ING3: variants seen among roughly 807,000 people sequenced by gnomAD.
ING3 encodes inhibitor of growth protein 3.
A neutral mutation model predicts 64.8 loss-of-function variants in ING3; 6 were observed. The observed-to-expected ratio is 0.09, with a 90% CI of 0.05 to 0.18. The LOEUF (loss-of-function observed/expected upper bound fraction) is 0.18, where lower values mean the gene tolerates loss of function less well. Among genes scored for constraint, ING3 ranks in the 10% least tolerant of loss-of-function variants. The pLI, the probability that ING3 is intolerant of heterozygous loss-of-function variation, is 1.00. For missense variants in ING3, 310 were observed against 489.7 expected (o/e 0.63, Z 3.46); for synonymous variants, 170 against 173.7 (o/e 0.98, Z 0.17).
chr7:120,951,153 C>A lies in ING3; in HGVS notation c.29-11C>A. On this transcript the variant is annotated splice_polypyrimidine_tract_variant and intron_variant, in intron 1 of 11. Coordinates refer to ENST00000315870, the MANE Select transcript of ING3 (RefSeq NM_019071.3). ...TGGCCCCGCCCCTCTGACGGACTCT[C>A]CCTTTGACAGTGATTGAGCAGCTTC... 1 of 1,614,088 alleles carries A rather than the reference C, an allele frequency of 6.2e-7. No individual in the cohort carries two copies. Among genetic ancestry groups the A allele is most frequent in the Non-Finnish European group, 8.5e-7 (1 of 1,179,952 alleles).
intron 4 of ING3, 136 bp from the exon 5 acceptor site, chr7:120,964,606 G>T: frequency 3.2e-6 from 2 of 631,320 alleles, no homozygotes; most frequent in African/African-American, 3.7e-5. Context: ...AAACCTCTGA[G>T]GCATAGATTA....
At chr7:120,955,360 C>T (rs954270018) in intron 3 of ING3, among the ~76,000 whole-genome samples, 199 bp from the exon 4 acceptor site, 9 of 152,154 alleles carry the variant, frequency 5.9e-5, no homozygotes, top group Admixed American at 5.9e-4. Flanking sequence ...AACTCCTGAC[C>T]TCAAGTCATC....
intron 4 of ING3, among the ~76,000 whole-genome samples, chr7:120,961,997 T>C (rs553167811): frequency 2.5e-4 from 38 of 152,320 alleles, no homozygotes; most frequent in Admixed American, 3.3e-4. Context: ...CTTACATCCT[T>C]GCTTTGCTTG....
intron 4 of ING3, chr7:120,957,030 C>G (rs1256560470): frequency 7.4e-6 from 2 of 271,836 alleles, no homozygotes; most frequent in Non-Finnish European, 1.1e-5. Context: ...TTCATCCACT[C>G]TGTGCCTGAA....
At chr7:120,971,050 G>A (rs1796064422) in intron 10 of ING3, 170 bp downstream of exon 10, 1 of 761,026 alleles carries the variant, frequency 1.3e-6, no homozygotes, top group Non-Finnish European at 2.1e-6. Context: ...TGAGTATAAA[G>A]AAAAATGTTA....
chr7:120,975,872 T>TCTGG lies in ING3; in HGVS notation c.*1031_*1034dup, dbSNP rs1450201272. 6.6e-6 allele frequency: 1 copy of TCTGG among 152,172 alleles called. No individual in the cohort carries two copies. The highest frequency in any genetic ancestry group is 2.4e-5 in the African/African-American group (1 of 41,458). 9.4% of individuals were successfully genotyped at this position (152,172 alleles called of 1,614,324 possible). On this transcript the variant is annotated 3_prime_UTR_variant, in exon 12 of 12. Transcript: ENST00000315870. ...CCAATGTATTTTTTTAAGAACATCA[T>TCTGG]CTGGCTTTTCCTTCAGTCTAAAAGA...
rs764758360 is a variant in ING3, at chr7:120,973,168, A to G, written c.1102-37A>G. ...TAATTGGTATCTAGGTGTTTGTTAC[A>G]TAGTCATAATAAAGACATTTAATTT... On this transcript the variant is annotated intron_variant, in intron 10 of 11. Transcript: ENST00000315870. The G allele has an allele frequency of 7.5e-6, 9 of 1,195,816 alleles. No individual in the cohort carries two copies. In the Admixed American group the frequency reaches 1.0e-4, roughly 14 times the overall value. The allele number at this position is 1,195,816 out of a possible 1,614,324, so 74.1% of individuals were successfully genotyped here.
chr7:120,951,627 A>G (rs1391884197), intron 2 of ING3, among the ~76,000 whole-genome samples: 1 of 152,214 alleles, frequency 6.6e-6, no homozygotes, highest in East Asian at 1.9e-4. Flanking sequence ...AGTTCATCCT[A>G]TTCACAGTTT....
At chr7:120,959,715 G>A (rs969569052) in intron 4 of ING3, among the ~76,000 whole-genome samples, 4 of 128,412 alleles carry the variant, frequency 3.1e-5, no homozygotes, top group East Asian at 5.2e-4. Flanking sequence ...GCGCTATCCC[G>A]GCTCACTGCA....
At chr7:120,970,351 G>C (rs1796052190) in intron 9 of ING3, among the ~76,000 whole-genome samples, 1 of 151,892 alleles carries the variant, frequency 6.6e-6, no homozygotes, top group African/African-American at 2.4e-5. Context: ...TGTAGTCCCA[G>C]CTACTCGGGA....
Position 120,976,465 on chromosome 7 carries a change from A to G in ING3, c.*1621A>G, listed in dbSNP as rs1000244987. On this transcript the variant is annotated 3_prime_UTR_variant, in exon 12 of 12. Transcript: ENST00000315870. ...CCAGCTCCCTAAACAAGTTAGGTTC[A>G]TTTGTGAGTACTCATCATTTCATAA... 3.9e-5 allele frequency: 6 copies of G among 152,156 alleles called. No individual in the cohort carries two copies. Among genetic ancestry groups the G allele is most frequent in the African/African-American group, 1.2e-4 (5 of 41,458 alleles). 9.4% of individuals were successfully genotyped at this position (152,156 alleles called of 1,614,324 possible). A position where few individuals can be genotyped will look rare whatever the true frequency, so the allele number is the denominator to read the frequency against.
intron 4 of ING3, among the ~76,000 whole-genome samples, chr7:120,963,555 T>G (rs1562975176): frequency 6.6e-6 from 1 of 152,186 alleles, no homozygotes; most frequent in Non-Finnish European, 1.5e-5. Flanking sequence ...TGTAATGCAT[T>G]AGCTATATGA....
At chr7:120,972,527 A>T (rs1796082649) in intron 10 of ING3, among the ~76,000 whole-genome samples, 1 of 152,184 alleles carries the variant, frequency 6.6e-6, no homozygotes, top group Non-Finnish European at 1.5e-5. Context: ...ACACTAAAAA[A>T]CTAGAAGGTG....
chr7:120,953,806 CTTAAAAG>C (rs1490494630), intron 3 of ING3, among the ~76,000 whole-genome samples: 4 of 152,134 alleles, frequency 2.6e-5, no homozygotes, highest in Non-Finnish European at 5.9e-5. Context: ...AGAACGAAAT[CTTAAAAG>C]TTAGAAGGAA....
chr7:120,956,949 A>G lies in ING3; in HGVS notation c.267+1325A>G, dbSNP rs1176892606. ...AAAGATATTTTGTGTATTTAGAAAA[A>G]ATATAACATAAATATATGCTTTTTA... On this transcript the variant is annotated intron_variant, in intron 4 of 11. Coordinates refer to ENST00000315870, the MANE Select transcript of ING3 (RefSeq NM_019071.3). 1.8e-5 allele frequency: 8 copies of G among 445,162 alleles called. No homozygotes were observed. The Admixed American group carries it at 5.1e-4, about 29-fold the overall frequency. 27.6% of individuals were successfully genotyped at this position (445,162 alleles called of 1,614,324 possible). A position where few individuals can be genotyped will look rare whatever the true frequency, so the allele number is the denominator to read the frequency against.
chr7:120,956,728 T>A lies in ING3; in HGVS notation c.267+1104T>A. 3.1e-6 allele frequency: 3 copies of A among 981,024 alleles called. No individual in the cohort carries two copies. In the South Asian group the frequency reaches 1.4e-4, roughly 46 times the overall value. 60.8% of individuals were successfully genotyped at this position (981,024 alleles called of 1,614,324 possible). A position where few individuals can be genotyped will look rare whatever the true frequency, so the allele number is the denominator to read the frequency against. On this transcript the variant is annotated intron_variant, in intron 4 of 11. Coordinates refer to ENST00000315870, the MANE Select transcript of ING3 (RefSeq NM_019071.3). ...TCTTAATTGTTTCAGTCTTTAATTA[T>A]GTCTATAAACTTAGAAAAAGGCATT...
chr7:120,971,153 A>AAATACAACAGACTGGGTAGCT (rs1426981879), intron 10 of ING3, among the ~76,000 whole-genome samples: 2 of 152,168 alleles, frequency 1.3e-5, no homozygotes, highest in South Asian at 2.1e-4. Context: ...TGCCTTAATA[A>AAATACAACAGACTGGGTAGCT]AATACAACAG....
Position 120,976,877 on chromosome 7 carries a change from G to A in ING3, c.*2033G>A, listed in dbSNP as rs1393165772. ...TGTGTAAAGAAAGAAACCAAAATTT[G>A]GTGCAGGTATTTAGTAATGGGTAGA... On this transcript the variant is annotated 3_prime_UTR_variant, in exon 12 of 12. Coordinates refer to ENST00000315870, the MANE Select transcript of ING3 (RefSeq NM_019071.3). 1 of 152,116 alleles carries A rather than the reference G, an allele frequency of 6.6e-6. No homozygotes were observed. Among genetic ancestry groups the A allele is most frequent in the Non-Finnish European group, 1.5e-5 (1 of 68,010 alleles). 9.4% of individuals were successfully genotyped at this position (152,116 alleles called of 1,614,324 possible).
intron 5 of ING3, among the ~76,000 whole-genome samples, chr7:120,965,110 A>G (rs1238461824): frequency 6.6e-6 from 1 of 152,220 alleles, no homozygotes; most frequent in Non-Finnish European, 1.5e-5. Flanking sequence ...GAACAAATTT[A>G]AAGAAATGTA....
Sources: allele counts gnomAD v4.1 joint callset (sites outside exome capture counted in the v4.1 genomes callset), GRCh38; gene constraint gnomAD v4.1.1; transcripts MANE v1.5; gene names NCBI Gene and HGNC (gene_info 2026-07-23, HGNC 2026-07-21).